ITIH1: variants seen among roughly 807,000 people sequenced by gnomAD.
ITIH1 encodes inter-alpha-trypsin inhibitor heavy chain H1.
ITIH1 carries 94 observed loss-of-function variants against 104.6 expected under a neutral mutation model. The observed-to-expected ratio is 0.90, with a 90% CI of 0.76 to 1.07. The LOEUF is 1.07. ITIH1 is among the 50% of genes least tolerant of loss of function. ITIH1 has a pLI of 0.00. For synonymous variants in ITIH1, 455 were observed against 464.4 expected (o/e 0.98, Z 0.26); for missense variants, 1,193 against 1,181.4 (o/e 1.01, Z -0.14).
chr3:52,780,187 C>A, intron 5 of ITIH1, 82 bp from the exon 6 acceptor site: 2 of 1,187,254 alleles, frequency 1.7e-6, no homozygotes, highest in Non-Finnish European at 2.4e-6. Context: ...ACGGCTTGAG[C>A]CCAGGAGTTT....
intron 12 of ITIH1, among the ~76,000 whole-genome samples, chr3:52,786,006 T>A (rs553586511): frequency 6.6e-6 from 1 of 152,166 alleles, no homozygotes; most frequent in Admixed American, 6.5e-5. Flanking sequence ...TTGGAGTGGG[T>A]CATAGTGGAA....
At position 52,778,961 on chromosome 3, in the gene ITIH1, T is replaced by C; in HGVS notation, c.325T>C (p.Phe109Leu). ...DFAVTADGNAFIGDIKDKVTA... is the reference protein window; with the variant it reads ...DFAVTADGNALIGDIKDKVTA... ...CTGCAGTACAGCAGATGGAAACGCA[T>C]TTATCGGAGACATAAAGGACAAGGT... is the stretch of plus-strand genomic sequence containing the variant. The change falls in exon 4 of 22, where the codon TTT becomes CTT. Residue 109 changes from phenylalanine (F) to leucine (L), a missense_variant. Coordinates refer to ENST00000273283, the MANE Select transcript of ITIH1 (RefSeq NM_002215.4). 1 of 1,613,718 alleles carries C rather than the reference T, an allele frequency of 6.2e-7. No homozygotes were observed. The highest frequency in any genetic ancestry group is 8.5e-7 in the Non-Finnish European group (1 of 1,179,564).
chr3:52,788,461 A>G lies in ITIH1; in HGVS notation c.2119+116A>G. The G allele has an allele frequency of 2.8e-6, 2 of 715,562 alleles. 1 individual carries two copies. The highest frequency in any genetic ancestry group is 5.6e-5 in the East Asian group (2 of 35,998). 44.3% of individuals were successfully genotyped at this position (715,562 alleles called of 1,614,324 possible). A position where few individuals can be genotyped will look rare whatever the true frequency, so the allele number is the denominator to read the frequency against. Reference sequence around the variant, plus strand: ...ACTGCCCTCTGCCTGGGCACCATCCACCTGGCTGGGCTCTGCCCGCTGCCT... The same window carrying G: ...ACTGCCCTCTGCCTGGGCACCATCCGCCTGGCTGGGCTCTGCCCGCTGCCT... On this transcript the variant is annotated intron_variant, in intron 18 of 21. Coordinates refer to ENST00000273283, the MANE Select transcript of ITIH1 (RefSeq NM_002215.4).
Position 52,787,046 on chromosome 3 carries a change from G to A in ITIH1, c.1835G>A (p.Arg612Lys), listed in dbSNP as rs1372230848. ...ACCCCACTGACCTCCATGAGCATCA[G>A]GGGCATGGCGGACCAGGACGGCCTG... is the stretch of plus-strand genomic sequence containing the variant. Reference protein sequence around the residue: ...FVTPLTSMSIRGMADQDGLKP... With the variant: ...FVTPLTSMSIKGMADQDGLKP... The change falls in exon 14 of 22, where the codon AGG becomes AAG. Residue 612 changes from arginine (R) to lysine (K), a missense_variant. Physicochemically the swap from Arg to Lys is conservative, Grantham distance 26 (BLOSUM62 2). Transcript: ENST00000273283. The A allele has an allele frequency of 8.1e-6, 13 of 1,614,178 alleles. No homozygotes were observed. The highest frequency in any genetic ancestry group is 1.0e-5 in the Non-Finnish European group (12 of 1,180,016).
Position 52,779,733 on chromosome 3 carries a change from T to C in ITIH1, c.573+139T>C. The C allele has an allele frequency of 9.0e-7, 1 of 1,113,986 alleles. No individual in the cohort carries two copies. The highest frequency in any genetic ancestry group is 1.3e-6 in the Non-Finnish European group (1 of 748,388). 69.0% of individuals were successfully genotyped at this position (1,113,986 alleles called of 1,614,324 possible). ...GGGACTAACCCCTCAGGGTGAGCTC[T>C]GATGTGCTCTTCTTGGGCAGGGAAC... On this transcript the variant is annotated intron_variant, in intron 5 of 21. Coordinates refer to ENST00000273283, the MANE Select transcript of ITIH1 (RefSeq NM_002215.4). This position sits in a 1 kb window ranked among gnomAD's most constrained non-coding sequence, Gnocchi z 4.4.
At position 52,785,170 on chromosome 3, in the gene ITIH1, GC is replaced by G. The variant is rs1229063899; in HGVS notation, c.1536del (p.Arg514AlafsTer25). On this transcript the variant is annotated frameshift_variant, in exon 12 of 22. Coordinates refer to ENST00000273283, the MANE Select transcript of ITIH1 (RefSeq NM_002215.4). LOFTEE classifies it high-confidence loss of function. ...QYYEGSEIVV[A>X]GRIADNKQSS... The stretch of plus-strand genomic sequence containing the variant: ...CTACGAAGGCTCAGAGATTGTGGTG[GC>G]CGGGCGCATTGCTGACAACAAACAG... The G allele has an allele frequency of 1.2e-6, 2 of 1,614,046 alleles. No individual in the cohort carries two copies. The highest frequency in any genetic ancestry group is 2.7e-5 in the African/African-American group (2 of 74,928).
intron 6 of ITIH1, among the ~76,000 whole-genome samples, chr3:52,781,271 CTTCT>C (rs1699047399): frequency 1.5e-5 from 2 of 136,682 alleles, no homozygotes; most frequent in East Asian, 4.3e-4. Context: ...TCTTCTTCTT[CTTCT>C]TCTTCTTCTT....
rs572025814 is a variant in ITIH1 at position 52,779,707 on chromosome 3, G to T, written c.573+113G>T. On this transcript the variant is annotated intron_variant, in intron 5 of 21. Transcript: ENST00000273283. This position sits in a 1 kb window ranked among gnomAD's most constrained non-coding sequence, Gnocchi z 4.4. ...CACCCAGGCCTGAGAACACAGGGAT[G>T]GGGACTAACCCCTCAGGGTGAGCTC... 1.2e-5 allele frequency: 15 copies of T among 1,290,938 alleles called. No individual in the cohort carries two copies. The African/African-American group carries it at 2.0e-4, about 18-fold the overall frequency. 80.0% of individuals were successfully genotyped at this position (1,290,938 alleles called of 1,614,324 possible).
chr3:52,778,082 C>T (rs1367443901), intron 2 of ITIH1, 65 bp downstream of exon 2: 40 of 1,568,112 alleles, frequency 2.6e-5, no homozygotes, highest in Non-Finnish European at 3.5e-5. Context: ...CTTTCCCCAA[C>T]CTGTCAGGGG....
Position 52,787,061 on chromosome 3 carries a change from A to G in ITIH1, c.1850A>G (p.Gln617Arg), listed in dbSNP as rs549218090. Residue 617 changes from glutamine (Q) to arginine (R), a missense_variant, in exon 14 of 22, where the codon CAG becomes CGG. By Grantham distance (43) the Gln-to-Arg change is conservative. Transcript: ENST00000273283. ...TSMSIRGMAD[Q>R]DGLKPTIDKP... ...ATGAGCATCAGGGGCATGGCGGACCAGGACGGCCTGAAGCCCACCATCGAC... is the reference window on the plus strand; with the variant it reads ...ATGAGCATCAGGGGCATGGCGGACCGGGACGGCCTGAAGCCCACCATCGAC... The G allele has an allele frequency of 2.3e-4, 374 of 1,614,200 alleles. 3 individuals carry two copies. In the South Asian group the frequency reaches 3.8e-3, roughly 16 times the overall value.
intron 10 of ITIH1, 114 bp from the exon 11 acceptor site, chr3:52,784,181 TG>T: frequency 1.1e-6 from 1 of 901,650 alleles, no homozygotes; most frequent in Non-Finnish European, 1.7e-6. Flanking sequence ...CCCAGGAGCC[TG>T]GAGATGCTCT....
intron 14 of ITIH1, 35 bp from the exon 15 acceptor site, chr3:52,787,153 G>C (rs1249836026): frequency 1.2e-6 from 2 of 1,614,088 alleles, no homozygotes; most frequent in Admixed American, 1.7e-5. Context: ...AAAACCTCTG[G>C]GGCTCTAATT....
In ITIH1 at chr3:52,791,662, CG is replaced by C. The variant is rs766811892; in HGVS notation, c.2606+36del. ...GCTGCTTGCCCAGCACGTCTGCCCTCGGCCACTTTGTAGTTCTTCCAGGTCT... is the reference window on the plus strand; with the variant it reads ...GCTGCTTGCCCAGCACGTCTGCCCTCGCCACTTTGTAGTTCTTCCAGGTCT... On this transcript the variant is annotated intron_variant, in intron 21 of 21. Transcript: ENST00000273283. 15 of 1,610,788 alleles carry C rather than the reference CG, an allele frequency of 9.3e-6. No individual in the cohort carries two copies. In the African/African-American group the frequency reaches 1.9e-4, roughly 20 times the overall value.
At chr3:52,791,058 G>A in intron 20 of ITIH1, 137 bp downstream of exon 20, 1 of 821,302 alleles carries the variant, frequency 1.2e-6, no homozygotes, top group Admixed American at 3.1e-5. Context: ...AAGGAGCAGA[G>A]CCGTCTGAGG....
chr3:52,787,897 A>T (rs1222428209), intron 16 of ITIH1, 89 bp from the exon 17 acceptor site: 3 of 1,316,822 alleles, frequency 2.3e-6, no homozygotes, highest in Non-Finnish European at 2.2e-6. Context: ...GGCCAGCCCC[A>T]CCAGTGAGGA....
rs201902706 is a variant in ITIH1 at position 52,783,388 on chromosome 3, C to T, written c.1225+49C>T. 3.5e-5 allele frequency: 56 copies of T among 1,588,472 alleles called. No individual in the cohort carries two copies. In the East Asian group the frequency reaches 9.7e-4, roughly 27 times the overall value. On this transcript the variant is annotated intron_variant, in intron 10 of 21. Coordinates refer to ENST00000273283, the MANE Select transcript of ITIH1 (RefSeq NM_002215.4). ...GGGAGGTAGTGATCTCCTTGTCACC[C>T]GAGACATGCAAGCTGAAGTTGGAAA...
chr3:52,786,926 G>A lies in ITIH1; in HGVS notation c.1734-19G>A, dbSNP rs961679850. The A allele has an allele frequency of 6.3e-6, 10 of 1,596,482 alleles. No individual in the cohort carries two copies. In the East Asian group the frequency reaches 1.6e-4, roughly 25 times the overall value. ...CCGTGCAAGTCGGGGCTTGGAGCCA[G>A]CCTCTGTCTTGAATGCAGGATGAAG... On this transcript the variant is annotated intron_variant, in intron 13 of 21. Coordinates refer to ENST00000273283, the MANE Select transcript of ITIH1 (RefSeq NM_002215.4).
At position 52,779,618 on chromosome 3, in the gene ITIH1, G is replaced by A. The variant is rs2154108163; in HGVS notation, c.573+24G>A. ...AGGTAGATCACAGGTCCCGGGGCAG[G>A]GGTCCTGCCCCTCTCTCCGTCACCA... On this transcript the variant is annotated intron_variant, in intron 5 of 21. Coordinates refer to ENST00000273283, the MANE Select transcript of ITIH1 (RefSeq NM_002215.4). This position sits in a 1 kb window ranked among gnomAD's most constrained non-coding sequence, Gnocchi z 4.4. The A allele has an allele frequency of 2.5e-6, 4 of 1,613,632 alleles. No individual in the cohort carries two copies. Among genetic ancestry groups the A allele is most frequent in the Non-Finnish European group, 3.4e-6 (4 of 1,179,648 alleles).
intron 18 of ITIH1, 21 bp from the exon 19 acceptor site, chr3:52,789,632 T>C (rs750417889): frequency 6.2e-7 from 1 of 1,611,324 alleles, no homozygotes; most frequent in Admixed American, 1.7e-5. Flanking sequence ...CCAACCCGGA[T>C]GCCCTCTTGC....
Sources: gnomAD v4.1 joint callset for allele counts (sites outside exome capture counted in the v4.1 genomes callset) on GRCh38, gnomAD v4.1.1 for gene constraint, Gnocchi (gnomAD v3.1) non-coding constraint, MANE v1.5 for transcripts, NCBI Gene and HGNC (gene_info 2026-07-23, HGNC 2026-07-21) for gene names.